The following UPB1 variants were observed in gnomAD, a reference collection of about 807,000 sequenced individuals.
UPB1 encodes the protein beta-ureidopropionase.
In UPB1, 40 loss-of-function variants were observed where a neutral mutation model predicts 49.1. That is an observed-to-expected ratio of 0.81 (90% CI 0.63 to 1.06). The LOEUF (loss-of-function observed/expected upper bound fraction) is 1.06, where lower values mean the gene tolerates loss of function less well. Ranked by LOEUF, UPB1 falls within the 50% of genes least tolerant of loss-of-function variation. The pLI is 0.00. For synonymous variants in UPB1, 207 were observed against 198.2 expected, an observed-to-expected ratio of 1.04 and a Z score of -0.38; for missense variants, 499 against 505.9, an observed-to-expected ratio of 0.99 and a Z score of 0.13.
rs989378737 is a variant in UPB1 at position 24,527,339 on chromosome 22, G to C, written c.*1545G>C. The C allele has an allele frequency of 6.6e-6, 1 of 151,392 alleles. No homozygotes were observed. The highest frequency in any genetic ancestry group is 2.4e-5 in the African/African-American group (1 of 41,170). 9.4% of individuals were successfully genotyped at this position (151,392 alleles called of 1,614,324 possible). On this transcript the variant is annotated 3_prime_UTR_variant, in exon 10 of 10. Coordinates refer to ENST00000326010, the MANE Select transcript of UPB1 (RefSeq NM_016327.3). ...CCACTGTGCTCCAGCCTGGACAACAGAGTGAGAGCCTATCTCCAAAAAAAA... is the reference window on the plus strand; with the variant it reads ...CCACTGTGCTCCAGCCTGGACAACACAGTGAGAGCCTATCTCCAAAAAAAA...
chr22:24,515,741 C>T (rs957446116), intron 6 of UPB1, among the ~76,000 whole-genome samples: 6 of 152,108 alleles, frequency 3.9e-5, no homozygotes, highest in East Asian at 3.9e-4. Flanking sequence ...TTTGGGAGGC[C>T]GAAGCAGGTG....
intron 9 of UPB1, among the ~76,000 whole-genome samples, chr22:24,524,399 T>A (rs1377530268): frequency 6.6e-6 from 1 of 152,202 alleles, no homozygotes; most frequent in Non-Finnish European, 1.5e-5. Context: ...GGGATGGGAC[T>A]CCACCCTAGA....
rs368109110 is a variant in UPB1, at chr22:24,527,744, C to G, written c.*1950C>G. The G allele has an allele frequency of 1.3e-5, 2 of 151,826 alleles. No individual in the cohort carries two copies. The highest frequency in any genetic ancestry group is 3.9e-4 in the East Asian group (2 of 5,182). The allele number at this position is 151,826 out of a possible 1,614,324, so 9.4% of individuals were successfully genotyped here. ...CCTGGCCACAGCTCTGCGGTAACTT[C>G]CTTGAACTCTCTGTGCTGCAGGTTT... On this transcript the variant is annotated 3_prime_UTR_variant, in exon 10 of 10. Transcript: ENST00000326010.
At chr22:24,501,036 C>G (rs1431394346) in intron 2 of UPB1, among the ~76,000 whole-genome samples, 1 of 151,578 alleles carries the variant, frequency 6.6e-6, no homozygotes, top group South Asian at 2.1e-4. Flanking sequence ...TCACAGATGT[C>G]TGGTTCTCAG....
chr22:24,510,697 C>A, intron 3 of UPB1, 52 bp from the exon 4 acceptor site: 2 of 1,581,880 alleles, frequency 1.3e-6, no homozygotes, highest in Non-Finnish European at 1.7e-6. Flanking sequence ...GAGGAGCCCC[C>A]CTCAGAGGCT....
At chr22:24,513,564 T>C in intron 5 of UPB1, 79 bp downstream of exon 5, 5 of 1,542,652 alleles carry the variant, frequency 3.2e-6, no homozygotes, top group Non-Finnish European at 4.4e-6. Flanking sequence ...GGACTTTCTG[T>C]GGGGAAGTTC....
rs141896929 is a variant in UPB1, at chr22:24,495,485, G to A, written c.82G>A (p.Val28Ile). ...PLPDLQEVKR[V>I]LYGKELRKLD... ...CCCCGACTTGCAGGAAGTGAAGCGC[G>A]TTCTCTATGGCAAGGAACTCAGGTC... Residue 28 changes from valine to isoleucine, a missense_variant, in exon 1 of 10, where the codon GTT (valine) becomes ATT (isoleucine). Physicochemically the swap from Val to Ile is conservative, Grantham distance 29. Transcript: ENST00000326010. 743 of 1,614,064 alleles carry A rather than the reference G, an allele frequency of 4.6e-4. 4 individuals are homozygous for A. In the African/African-American group the frequency reaches 8.1e-3, roughly 18 times the overall value.
intron 9 of UPB1, among the ~76,000 whole-genome samples, chr22:24,524,742 G>C (rs576927766): frequency 6.6e-6 from 1 of 152,088 alleles, no homozygotes; most frequent in Non-Finnish European, 1.5e-5. Flanking sequence ...CTCGCACCTC[G>C]GGCTCCCAAA....
chr22:24,522,095 T>C, intron 8 of UPB1, 67 bp downstream of exon 8: 2 of 1,574,720 alleles, frequency 1.3e-6, no homozygotes, highest in South Asian at 1.1e-5. Flanking sequence ...CTCTGTCTGC[T>C]TCCTCCAGTC....
Position 24,502,352 on chromosome 22 carries a change from A to C in UPB1, c.364+139A>C, listed in dbSNP as rs1601482734. On this transcript the variant is annotated intron_variant, in intron 3 of 9. Coordinates refer to ENST00000326010, the MANE Select transcript of UPB1 (RefSeq NM_016327.3). ...CCATGGAAAGTTCTCCGTCCACATC[A>C]CCAGGAACCCCGGCCTCCCTGCTGT... 8 of 935,530 alleles carry C rather than the reference A, an allele frequency of 8.6e-6. No homozygotes were observed. The East Asian group carries it at 1.9e-4, about 22-fold the overall frequency. The allele number at this position is 935,530 out of a possible 1,614,324, so 58.0% of individuals were successfully genotyped here.
chr22:24,502,501 A>G (rs1335760110), intron 3 of UPB1: 1 of 780,026 alleles, frequency 1.3e-6, no homozygotes, highest in Non-Finnish European at 2.4e-6. Context: ...GGCTTTTGTA[A>G]TTCCCTCCAG....
rs924957038 is a variant in UPB1 at position 24,513,505 on chromosome 22, G to C, written c.621+20G>C. 8.1e-6 allele frequency: 13 copies of C among 1,611,880 alleles called. No homozygotes were observed. In the Admixed American group the frequency reaches 2.0e-4, roughly 25 times the overall value. ...AACGAGGTGAGCCACCCATAAGATA[G>C]ATAACCAGCCCTGCTCACTTGCCCC... On this transcript the variant is annotated intron_variant, in intron 5 of 9. Transcript: ENST00000326010.
chr22:24,517,277 C>T (rs982051587), intron 6 of UPB1, among the ~76,000 whole-genome samples: 1 of 152,190 alleles, frequency 6.6e-6, no homozygotes, highest in African/African-American at 2.4e-5. Flanking sequence ...TCCATCTCCC[C>T]TCAGAGAACA....
At chr22:24,525,439 A>C (rs541537324) in intron 9 of UPB1, among the ~76,000 whole-genome samples, 1 of 151,862 alleles carries the variant, frequency 6.6e-6, no homozygotes, top group East Asian at 1.9e-4. Flanking sequence ...GGACCACGGG[A>C]CTCCCCTTCT....
In UPB1 at chr22:24,515,338, C is replaced by G. The variant is rs1370597110; in HGVS notation, c.759C>G (p.Ile253Met). 6.2e-7 allele frequency: 1 copy of G among 1,614,084 alleles called. No homozygotes were observed. The highest frequency in any genetic ancestry group is 1.7e-5 in the Admixed American group (1 of 60,010). ...LMYSINGAEI[I>M]FNPSATIGAL... ...ACAGCATCAACGGGGCTGAGATCAT[C>G]TTCAACCCCTCGGCCACGATAGGAG... Residue 253 changes from isoleucine (I) to methionine (M), a missense_variant, in exon 6 of 10, where the codon ATC (isoleucine) becomes ATG (methionine). By Grantham distance (10) the Ile-to-Met change is conservative. Transcript: ENST00000326010.
chr22:24,520,582 C>A, intron 7 of UPB1, 114 bp downstream of exon 7: 1 of 1,197,378 alleles, frequency 8.4e-7, no homozygotes, highest in Non-Finnish European at 1.2e-6. Context: ...AGGGGTAAAA[C>A]TGGCTTGGTC....
intron 1 of UPB1, among the ~76,000 whole-genome samples, chr22:24,496,896 G>C (rs562955056): frequency 6.6e-6 from 1 of 152,294 alleles, no homozygotes; most frequent in East Asian, 1.9e-4. Flanking sequence ...TAAGGCTGTT[G>C]GCAGTTCCTG....
At chr22:24,510,049 A>G (rs1209975540) in intron 3 of UPB1, among the ~76,000 whole-genome samples, 3 of 152,062 alleles carry the variant, frequency 2.0e-5, no homozygotes, top group Non-Finnish European at 4.4e-5. Flanking sequence ...CCTGACCAAC[A>G]TGGAGAAACC....
chr22:24,504,419 C>T (rs2044048346), intron 3 of UPB1, among the ~76,000 whole-genome samples: 1 of 152,206 alleles, frequency 6.6e-6, no homozygotes, highest in Non-Finnish European at 1.5e-5. Context: ...GAGTAGTCCA[C>T]AGCCATTTTA....
Sources: gnomAD v4.1 joint callset for allele counts (sites outside exome capture counted in the v4.1 genomes callset) on GRCh38, gnomAD v4.1.1 for gene constraint, MANE v1.5 for transcripts, NCBI Gene and HGNC (gene_info 2026-07-23, HGNC 2026-07-21) for gene names.